PALM2AKAP2: variants seen among roughly 807,000 people sequenced by gnomAD.
The protein encoded by PALM2AKAP2 is PALM2-AKAP2 fusion protein.
Under a neutral mutation model 71.5 loss-of-function variants are expected in PALM2AKAP2, and 37 were observed. The ratio of observed to expected loss-of-function variants is 0.52; its 90% confidence interval spans 0.40 to 0.68. The LOEUF is 0.68. PALM2AKAP2 is among the 30% of genes least tolerant of loss of function. The pLI is 0.00. For missense variants in PALM2AKAP2, 1,224 were observed against 1,191.8 expected, an observed-to-expected ratio of 1.03 and a Z score of -0.40; for synonymous variants, 468 against 478.8, an observed-to-expected ratio of 0.98 and a Z score of 0.29.
intron 1 of PALM2AKAP2, among the ~76,000 whole-genome samples, chr9:110,122,638 G>A (rs766347754): frequency 3.9e-5 from 6 of 152,218 alleles, no homozygotes; most frequent in African/African-American, 9.6e-5. Context: ...TATTGGCTGC[G>A]TGATGATCAT....
chr9:109,855,543 G>A (rs73655595), intron 1 of PALM2AKAP2, among the ~76,000 whole-genome samples: 3,777 of 152,276 alleles, frequency 0.025, 164 homozygotes, highest in African/African-American at 0.083. Context: ...AATGAAGTTC[G>A]TCAGTTTTGT....
intron 1 of PALM2AKAP2, among the ~76,000 whole-genome samples, chr9:109,747,432 G>A (rs77395994): frequency 2.0e-5 from 3 of 151,936 alleles, no homozygotes; most frequent in Non-Finnish European, 4.4e-5. Context: ...ACGTTCTTGG[G>A]GTTCCTGTCT....
chr9:110,000,335 C>A (rs1191199037), intron 6 of PALM2AKAP2, among the ~76,000 whole-genome samples: 1 of 152,162 alleles, frequency 6.6e-6, no homozygotes, highest in Admixed American at 6.5e-5. Context: ...ATAAAAAGGA[C>A]ATCAACTCAT....
chr9:109,704,928 G>A (rs916909703), intron 1 of PALM2AKAP2, among the ~76,000 whole-genome samples: 23 of 152,170 alleles, frequency 1.5e-4, no homozygotes, highest in African/African-American at 5.6e-4. Flanking sequence ...AGAGTCAAGA[G>A]AACATGTGTG....
At chr9:110,107,986 T>G (rs892314027) in intron 1 of PALM2AKAP2, among the ~76,000 whole-genome samples, 1 of 152,252 alleles carries the variant, frequency 6.6e-6, no homozygotes, top group Non-Finnish European at 1.5e-5. Flanking sequence ...TAAGTTTATT[T>G]TTTAAACTCC....
At chr9:109,992,592 T>C (rs1467115094) in intron 6 of PALM2AKAP2, among the ~76,000 whole-genome samples, 2 of 152,124 alleles carry the variant, frequency 1.3e-5, no homozygotes, top group African/African-American at 2.4e-5. Flanking sequence ...CTAATTTTTG[T>C]ATTCAAAGTA....
intron 1 of PALM2AKAP2, among the ~76,000 whole-genome samples, chr9:109,766,804 G>T (rs566765847): frequency 3.9e-4 from 60 of 152,208 alleles, no homozygotes; most frequent in Non-Finnish European, 7.1e-4. Context: ...AGATATTATT[G>T]TCCTCAGTTT....
At chr9:109,789,447 G>C (rs1384037474) in intron 1 of PALM2AKAP2, among the ~76,000 whole-genome samples, 1 of 152,218 alleles carries the variant, frequency 6.6e-6, no homozygotes, top group Non-Finnish European at 1.5e-5. Flanking sequence ...GTATATGCAA[G>C]TATGACTTGT....
chr9:109,919,254 C>A (rs1830767434), intron 3 of PALM2AKAP2, among the ~76,000 whole-genome samples: 1 of 152,196 alleles, frequency 6.6e-6, no homozygotes, highest in Non-Finnish European at 1.5e-5. Context: ...CTTCACTAGA[C>A]ACATGGGAAG....
intron 6 of PALM2AKAP2, among the ~76,000 whole-genome samples, chr9:109,995,093 A>G (rs10816913): frequency 0.86 from 130,928 of 152,222 alleles, 56,693 homozygotes; most frequent in African/African-American, 0.97. Context: ...AGGCTTCTAC[A>G]TGATTCAAGT....
chr9:109,775,893 T>C (rs1156996319), upstream of PALM2AKAP2, among the ~76,000 whole-genome samples: 3 of 152,254 alleles, frequency 2.0e-5, no homozygotes, highest in Non-Finnish European at 4.4e-5. Flanking sequence ...ATTTTGCATA[T>C]CTAGCATTCT....
At chr9:110,166,684 C>T (rs114123733) in intron 3 of PALM2AKAP2, among the ~76,000 whole-genome samples, 2,752 of 152,122 alleles carry the variant, frequency 0.018, 100 homozygotes, top group African/African-American at 0.063. Flanking sequence ...ATTCAGCAAA[C>T]GTGACTGAGG....
intron 5 of PALM2AKAP2, among the ~76,000 whole-genome samples, chr9:109,929,278 A>G (rs1006685936): frequency 2.0e-5 from 3 of 151,656 alleles, no homozygotes; most frequent in Non-Finnish European, 4.4e-5. Flanking sequence ...TCTTATTTGA[A>G]TGCAGAAAGT....
chr9:110,067,391 A>G (rs1298983227), intron 1 of PALM2AKAP2, among the ~76,000 whole-genome samples: 1 of 152,242 alleles, frequency 6.6e-6, no homozygotes, highest in Admixed American at 6.5e-5. Flanking sequence ...TAAGTTTCAA[A>G]CACATCGTCT....
intron 1 of PALM2AKAP2, among the ~76,000 whole-genome samples, chr9:109,670,945 TG>T (rs1239382348): frequency 6.6e-6 from 1 of 152,212 alleles, no homozygotes; most frequent in African/African-American, 2.4e-5. Context: ...TCATGTCCTT[TG>T]CCCACTTCTT....
chr9:109,938,721 T>G (rs1438673229), intron 6 of PALM2AKAP2, among the ~76,000 whole-genome samples: 1 of 152,160 alleles, frequency 6.6e-6, no homozygotes, highest in Non-Finnish European at 1.5e-5. Context: ...TAACTATTTC[T>G]CCTGAAGGAT....
chr9:109,907,439 C>T (rs1249087185), intron 3 of PALM2AKAP2, among the ~76,000 whole-genome samples: 2 of 152,202 alleles, frequency 1.3e-5, no homozygotes, highest in East Asian at 3.8e-4. Context: ...GTCACCTGGG[C>T]CAGGAACTGC....
intron 1 of PALM2AKAP2, among the ~76,000 whole-genome samples, chr9:109,841,878 G>T (rs1007836428): frequency 2.7e-5 from 3 of 112,108 alleles, no homozygotes; most frequent in Admixed American, 9.0e-5. Context: ...GGAGGGGAGG[G>T]TAGAGAGATA....
intron 6 of PALM2AKAP2, among the ~76,000 whole-genome samples, chr9:109,979,236 G>A (rs754974617): frequency 3.9e-5 from 6 of 152,204 alleles, no homozygotes; most frequent in African/African-American, 7.2e-5. Context: ...CAAGTGATCC[G>A]TCCACCTCGG....
Sources: gnomAD v4.1 joint callset for allele counts (sites outside exome capture counted in the v4.1 genomes callset) on GRCh38, gnomAD v4.1.1 for gene constraint, MANE v1.5 for transcripts, NCBI Gene and HGNC (gene_info 2026-07-23, HGNC 2026-07-21) for gene names.